CHKA: variants seen among roughly 807,000 people sequenced by gnomAD.
The protein encoded by CHKA is CHETK-alpha.
A neutral mutation model predicts 60.1 loss-of-function variants in CHKA; 34 were observed. That is an observed-to-expected ratio of 0.57 (90% confidence interval 0.43 to 0.75). The LOEUF (loss-of-function observed/expected upper bound fraction) is 0.75, where lower values mean the gene tolerates loss of function less well. CHKA is among the 30% of genes least tolerant of loss of function. The probability of loss-of-function intolerance (pLI) is 0.00; values close to 1 mark genes in which losing one functional copy is unlikely to be tolerated. For missense variants in CHKA, 563 were observed against 561.3 expected (o/e 1.00, Z -0.03); for synonymous variants, 217 against 223.1 (o/e 0.97, Z 0.24).
chr11:68,055,092 G>A (rs1031542273), intron 11 of CHKA, among the ~76,000 whole-genome samples: 11 of 152,110 alleles, frequency 7.2e-5, no homozygotes, highest in Admixed American at 1.3e-4. Flanking sequence ...AGTTTGGGAC[G>A]ATTATAAATG....
At chr11:68,109,518 A>C (rs1858054173) in intron 1 of CHKA, among the ~76,000 whole-genome samples, 1 of 152,180 alleles carries the variant, frequency 6.6e-6, no homozygotes, top group Non-Finnish European at 1.5e-5. Flanking sequence ...GGGCAAATAC[A>C]CAATTCCAGC....
intron 1 of CHKA, among the ~76,000 whole-genome samples, chr11:68,118,315 C>T (rs1858471799): frequency 2.6e-5 from 4 of 152,018 alleles, no homozygotes; most frequent in Admixed American, 2.6e-4. Context: ...GTGGTGCGTG[C>T]CTGTAGTCCC....
chr11:68,060,923 G>A (rs1358549619), intron 11 of CHKA, among the ~76,000 whole-genome samples: 1 of 151,982 alleles, frequency 6.6e-6, no homozygotes. Flanking sequence ...TAAGACTGAG[G>A]AGGTCAAAAT....
chr11:68,113,082 A>G (rs1858231718), intron 1 of CHKA, among the ~76,000 whole-genome samples: 1 of 63,812 alleles, frequency 1.6e-5, no homozygotes, highest in Admixed American at 1.9e-4. Context: ...ACTCCGTCTC[A>G]AAAAAAAAAA....
intron 3 of CHKA, among the ~76,000 whole-genome samples, chr11:68,076,179 T>C (rs1856781208): frequency 6.6e-6 from 1 of 152,206 alleles, no homozygotes; most frequent in Non-Finnish European, 1.5e-5. Flanking sequence ...TCCTCACAAT[T>C]ATGGCCTGTG....
At chr11:68,088,110 CAAAAAAAAAAAAAA>C (rs55932145) in intron 2 of CHKA, among the ~76,000 whole-genome samples, 6 of 71,258 alleles carry the variant, frequency 8.4e-5, no homozygotes, top group Non-Finnish European at 1.5e-4. Context: ...GAGGCTGTCT[CAAAAAAAAAAAAAA>C]AAAAAAAAAA....
At chr11:68,055,502 C>G (rs1043038815) in intron 11 of CHKA, among the ~76,000 whole-genome samples, 28 of 152,346 alleles carry the variant, frequency 1.8e-4, no homozygotes, top group Admixed American at 1.8e-3. Context: ...GCTGGGTGGT[C>G]TAACCCATCT....
In CHKA at chr11:68,063,537, T is replaced by C. The variant is rs192353393; in HGVS notation, c.1232+988A>G. 6.6e-5 allele frequency among the ~76,000 whole-genome samples: 10 copies of C among 152,050 alleles called. No individual in the cohort carries two copies. The East Asian group carries it at 1.7e-3, about 26-fold the overall frequency. ...TAGGCTCTGGGTGGCAGCAGCCCTG[T>C]ATGGCTGGGTTGTTGTGTCTGGATG... On this transcript the variant is annotated intron_variant, in intron 10 of 11. Coordinates refer to ENST00000265689, the MANE Select transcript of CHKA (RefSeq NM_001277.3).
intron 1 of CHKA, among the ~76,000 whole-genome samples, chr11:68,118,564 T>C (rs1565198145): frequency 6.6e-6 from 1 of 152,180 alleles, no homozygotes; most frequent in Non-Finnish European, 1.5e-5. Flanking sequence ...TTCCTCTCCT[T>C]CTCCGCACCT....
chr11:68,087,738 G>A (rs905390573), intron 2 of CHKA, among the ~76,000 whole-genome samples: 1 of 152,068 alleles, frequency 6.6e-6, no homozygotes, highest in Non-Finnish European at 1.5e-5. Flanking sequence ...TCAGCTTACT[G>A]TCTCTTTTAA....
In CHKA at chr11:68,056,475, C is replaced by T. The variant is rs117247493; in HGVS notation, c.1315-2428G>A. 1.1e-3 allele frequency among the ~76,000 whole-genome samples: 163 copies of T among 152,322 alleles called. 2 individuals are homozygous for T. In the East Asian group the frequency reaches 0.029, roughly 27 times the overall value. Reference sequence around the variant, plus strand: ...GTCAGGTCTTGCTAGGTTTAGATCACACCTTTTTTGTCCAATCACATTTCA... The same window carrying T: ...GTCAGGTCTTGCTAGGTTTAGATCATACCTTTTTTGTCCAATCACATTTCA... On this transcript the variant is annotated intron_variant, in intron 11 of 11. Transcript: ENST00000265689.
chr11:68,119,417 T>G (rs150959025), intron 1 of CHKA, among the ~76,000 whole-genome samples: 225 of 152,292 alleles, frequency 1.5e-3, no homozygotes, highest in African/African-American at 5.1e-3. Flanking sequence ...TTCTAGATAC[T>G]GCACACAACC....
intron 2 of CHKA, among the ~76,000 whole-genome samples, chr11:68,086,295 A>G (rs1253970806): frequency 6.6e-6 from 1 of 152,114 alleles, no homozygotes; most frequent in Non-Finnish European, 1.5e-5. Context: ...GCCTGGCGAC[A>G]GCGAGACTCT....
chr11:68,072,220 T>C (rs1026931404), intron 4 of CHKA, among the ~76,000 whole-genome samples: 6 of 152,120 alleles, frequency 3.9e-5, no homozygotes, highest in Non-Finnish European at 7.4e-5. Context: ...ACAGGAATCA[T>C]GAAACTAAAT....
At chr11:68,097,190 T>C (rs986703209) in intron 1 of CHKA, 60 bp from the exon 2 acceptor site, 1 of 1,219,290 alleles carries the variant, frequency 8.2e-7, no homozygotes, top group Non-Finnish European at 1.2e-6. Context: ...TCACTCTTCT[T>C]GGATAAATAT....
intron 5 of CHKA, 69 bp from the exon 6 acceptor site, chr11:68,070,362 T>C (rs1856574803): frequency 2.7e-5 from 31 of 1,159,486 alleles, no homozygotes; most frequent in Non-Finnish European, 3.7e-5. Flanking sequence ...CTTGCTGTTC[T>C]TGGGGCTTTG....
rs1225058816 is a variant in CHKA, at chr11:68,053,627, A to G, written c.*361T>C. On this transcript the variant is annotated 3_prime_UTR_variant, in exon 12 of 12. Coordinates refer to ENST00000265689, the MANE Select transcript of CHKA (RefSeq NM_001277.3). ...AGCACATTCATGAAAATTTAAATCA[A>G]CATTAACCAAAGTACCTGCAAGTAA... is the stretch of plus-strand genomic sequence containing the variant. 1 of 223,898 alleles carries G rather than the reference A, an allele frequency of 4.5e-6. No homozygotes were observed. The highest frequency in any genetic ancestry group is 5.5e-5 in the Admixed American group (1 of 18,340). 13.9% of individuals were successfully genotyped at this position (223,898 alleles called of 1,614,324 possible).
At chr11:68,099,258 A>G (rs1857618021) in intron 1 of CHKA, among the ~76,000 whole-genome samples, 1 of 152,212 alleles carries the variant, frequency 6.6e-6, no homozygotes. Context: ...TAACAGCTGC[A>G]AGTATCTGTG....
chr11:68,066,667 C>G (rs1043762189), intron 7 of CHKA, 151 bp from the exon 8 acceptor site: 1 of 650,832 alleles, frequency 1.5e-6, no homozygotes, highest in Non-Finnish European at 2.7e-6. Flanking sequence ...CTAGACAGAG[C>G]GTAGAAGTGC....
Sources: allele counts gnomAD v4.1 joint callset (sites outside exome capture counted in the v4.1 genomes callset), GRCh38; gene constraint gnomAD v4.1.1; transcripts MANE v1.5; gene names NCBI Gene and HGNC (gene_info 2026-07-23, HGNC 2026-07-21).